Variants in STS observed in about 807,000 individuals in gnomAD.
STS encodes the protein steroid sulfatase, also known as steryl-sulfatase.
A neutral mutation model predicts 26.8 loss-of-function variants in STS; 7 were observed. The observed-to-expected ratio is 0.26, with a 90% CI of 0.15 to 0.49. STS has a LOEUF of 0.49. Among genes scored for constraint, STS ranks in the 20% least tolerant of loss-of-function variants. The pLI is 0.98. For synonymous variants in STS, 199 were observed against 189.4 expected, an observed-to-expected ratio of 1.05 and a Z score of -0.42; for missense variants, 434 against 465.6, an observed-to-expected ratio of 0.93 and a Z score of 0.63.
chrX:7,329,991 G>T (rs868863062), intron 9 of STS, among the ~76,000 whole-genome samples: 10 of 111,767 alleles, frequency 8.9e-5, no homozygotes, highest in Non-Finnish European at 1.3e-4. Flanking sequence ...ATGTGCTTAC[G>T]TGAGATTTCT....
chrX:7,317,864 T>A (rs1926789074), intron 8 of STS, among the ~76,000 whole-genome samples: 1 of 111,821 alleles, frequency 8.9e-6, no homozygotes. Context: ...TGGCATACAA[T>A]CAGAGTTCTC....
At chrX:7,272,217 C>CATATATATATATATATATATAT (rs372911748) in intron 6 of STS, among the ~76,000 whole-genome samples, 20 of 94,036 alleles carry the variant, frequency 2.1e-4, no homozygotes, top group South Asian at 1.1e-3. Context: ...AATTTAATTA[C>CATATATATATATATATATATAT]ATATATATAT....
At position 7,253,206 on chromosome X, in the gene STS, A is replaced by T. The variant is rs753519141; in HGVS notation, c.7A>T (p.Ile3Phe). 162 of 1,209,220 alleles carry T rather than the reference A, an allele frequency of 1.3e-4. No individual in the cohort carries two copies. In the South Asian group the frequency reaches 2.6e-3, roughly 19 times the overall value. Residue 3 changes from isoleucine to phenylalanine, a missense_variant, in exon 3 of 11, where the codon ATC becomes TTC. Physicochemically the swap from Ile to Phe is conservative, Grantham distance 21 (BLOSUM62 0). Transcript: ENST00000674429. MK[I>F]PFLLLFFLWE... ...CCTTGTCCTTTACAGGAAGATGAAG[A>T]TCCCTTTCCTCCTACTGTTCTTTCT...
chrX:7,270,004 G>C lies in STS; in HGVS notation c.807-5947G>C, dbSNP rs751247278. 3.6e-5 allele frequency among the ~76,000 whole-genome samples: 4 copies of C among 111,921 alleles called. No homozygotes were observed. The South Asian group carries it at 1.1e-3, about 31-fold the overall frequency. On this transcript the variant is annotated intron_variant, in intron 6 of 10. Transcript: ENST00000674429. ...AAAAAAATGCCTTAGCCATCTTCTTGTGTGAATTTTCACTCCTGCCTCTAT... is the reference window on the plus strand; with the variant it reads ...AAAAAAATGCCTTAGCCATCTTCTTCTGTGAATTTTCACTCCTGCCTCTAT...
intron 7 of STS, among the ~76,000 whole-genome samples, chrX:7,292,318 T>A (rs1308923387): frequency 8.9e-6 from 1 of 112,435 alleles, no homozygotes; most frequent in Admixed American, 9.4e-5. Context: ...AACACAGCTC[T>A]TGTAGACAGG....
chrX:7,217,226 G>A (rs1180866170), intron 2 of STS, among the ~76,000 whole-genome samples: 1 of 111,320 alleles, frequency 9.0e-6, no homozygotes, highest in Non-Finnish European at 1.9e-5. Flanking sequence ...AGATACTGAG[G>A]TTGAACAGAT....
At chrX:7,325,587 C>CA in intron 9 of STS, 89 bp downstream of exon 9, 1 of 1,082,019 alleles carries the variant, frequency 9.2e-7, no homozygotes, top group Non-Finnish European at 1.3e-6. Context: ...GTGTGGGGAC[C>CA]AAGGCCTTTG....
intron 2 of STS, among the ~76,000 whole-genome samples, chrX:7,205,674 T>C (rs1285889599): frequency 9.6e-6 from 1 of 104,646 alleles, no homozygotes; most frequent in African/African-American, 3.6e-5. Context: ...TTTCTTGCTC[T>C]GTTGCAAGAG....
At position 7,217,107 on chromosome X, in the gene STS, G is replaced by A. The variant is rs766344616; in HGVS notation, c.-5+26099G>A. Among the ~76,000 whole-genome samples, 112 of 110,628 alleles carry A rather than the reference G, an allele frequency of 1.0e-3. 2 individuals are homozygous for A. The highest frequency in any genetic ancestry group is 4.7e-3 in the Middle Eastern group (1 of 215). ...AAAACTACTAAGAGGAAACACCAAG[G>A]GCCAGCGAGATTCCTCCTAACCGAC... On this transcript the variant is annotated intron_variant, in intron 2 of 10. Coordinates refer to ENST00000674429, the MANE Select transcript of STS (RefSeq NM_001320752.2).
At chrX:7,285,791 T>A (rs1925101296) in intron 7 of STS, among the ~76,000 whole-genome samples, 2 of 112,044 alleles carry the variant, frequency 1.8e-5, no homozygotes, top group South Asian at 7.4e-4. Flanking sequence ...CTTGTATTTT[T>A]AAAAAAATAA....
chrX:7,147,871 C>T lies in STS; in HGVS notation c.-346C>T. The T allele has an allele frequency of 4.7e-6, 1 of 214,657 alleles. No homozygotes were observed. The allele number at this position is 214,657 out of a possible 1,213,427, so 17.7% of individuals were successfully genotyped here. A position where few individuals can be genotyped will look rare whatever the true frequency, so the allele number is the denominator to read the frequency against. On this transcript the variant is annotated 5_prime_UTR_variant, in exon 1 of 11. Coordinates refer to ENST00000674429, the MANE Select transcript of STS (RefSeq NM_001320752.2). ...GCCCGCCAGCCCGGACATGGGCCCG[C>T]GGGCGCTCCTGGCCGCCGCCCGACT...
At chrX:7,326,024 C>G in intron 9 of STS, among the ~76,000 whole-genome samples, 1 of 111,727 alleles carries the variant, frequency 9.0e-6, no homozygotes, top group Non-Finnish European at 1.9e-5. Context: ...AGGTTTGATG[C>G]TGGCTTTGGG....
chrX:7,225,926 G>A (rs1223211831), intron 2 of STS, among the ~76,000 whole-genome samples: 1 of 112,070 alleles, frequency 8.9e-6, no homozygotes, highest in Non-Finnish European at 1.9e-5. Context: ...GTTGGATGTA[G>A]CCCATGACTT....
At chrX:7,282,531 T>G (rs1924920699) in intron 7 of STS, among the ~76,000 whole-genome samples, 1 of 112,203 alleles carries the variant, frequency 8.9e-6, no homozygotes, top group Non-Finnish European at 1.9e-5. Context: ...CTTTAAAGTG[T>G]AGGACTCTCA....
chrX:7,303,177 C>T (rs192448525), intron 7 of STS, among the ~76,000 whole-genome samples: 2 of 110,787 alleles, frequency 1.8e-5, no homozygotes, highest in Non-Finnish European at 3.8e-5. Flanking sequence ...ATAGGTTTCG[C>T]GAGATCTGAT....
At chrX:7,307,808 C>G (rs1231242446) in intron 8 of STS, among the ~76,000 whole-genome samples, 1 of 112,020 alleles carries the variant, frequency 8.9e-6, no homozygotes, top group Non-Finnish European at 1.9e-5. Flanking sequence ...CTCAGTTCCT[C>G]TTTACCTGGA....
At chrX:7,252,839 T>C (rs1383190461) in intron 2 of STS, among the ~76,000 whole-genome samples, 1 of 111,642 alleles carries the variant, frequency 9.0e-6, no homozygotes, top group African/African-American at 3.3e-5. Flanking sequence ...TTTGAAAGGT[T>C]TCTGTGTTTC....
chrX:7,245,024 A>G (rs1332892903), intron 2 of STS, among the ~76,000 whole-genome samples: 1 of 112,048 alleles, frequency 8.9e-6, no homozygotes, highest in Non-Finnish European at 1.9e-5. Context: ...CTAGTAATGA[A>G]GTAGAGATGC....
At chrX:7,148,409 A>G (rs1932933508) in intron 1 of STS, among the ~76,000 whole-genome samples, 1 of 112,901 alleles carries the variant, frequency 8.9e-6, no homozygotes, top group Non-Finnish European at 1.9e-5. Flanking sequence ...AATCGGGCCA[A>G]GCTACTCAGC....
Sources: allele counts gnomAD v4.1 joint callset (sites outside exome capture counted in the v4.1 genomes callset), GRCh38; gene constraint gnomAD v4.1.1; transcripts MANE v1.5; gene names NCBI Gene and HGNC (gene_info 2026-07-23, HGNC 2026-07-21).